HIP1R: variants seen among roughly 807,000 people sequenced by gnomAD.
The protein encoded by HIP1R is huntingtin interacting protein 1 related, also known as huntingtin-interacting protein 1-related protein.
In HIP1R, 135 loss-of-function variants were observed where a neutral mutation model predicts 144.2. The observed-to-expected ratio is 0.94, with a 90% CI of 0.81 to 1.08. The LOEUF (loss-of-function observed/expected upper bound fraction) is 1.08. Ranked by LOEUF, HIP1R falls within the 50% of genes least tolerant of loss-of-function variation. HIP1R has a pLI of 0.00. For missense variants in HIP1R, 1,462 were observed against 1,432.8 expected (o/e 1.02, Z -0.33); for synonymous variants, 698 against 612.8 (o/e 1.14, Z -2.05).
rs1428222797 is a variant in HIP1R, at chr12:122,856,509, C to T, written c.1479C>T (p.Ala493=). 2.5e-6 allele frequency: 4 copies of T among 1,597,106 alleles called. No individual in the cohort carries two copies. The highest frequency in any genetic ancestry group is 1.8e-5 in the Admixed American group (1 of 57,060). Reference sequence around the variant, plus strand: ...TGGCGCGGGTGAAGGAGCAGCTGGCCTTCCAGGTGGAGCAGGTGAAGCGGG... The same window carrying T: ...TGGCGCGGGTGAAGGAGCAGCTGGCTTTCCAGGTGGAGCAGGTGAAGCGGG... ...EEVARVKEQL[A]FQVEQVKRES... The change falls in exon 16 of 32, where the codon GCC becomes GCT. Residue 493 remains alanine (A), a synonymous_variant. Coordinates refer to ENST00000253083, the MANE Select transcript of HIP1R (RefSeq NM_003959.3).
rs542418371 is a variant in HIP1R, at chr12:122,851,497, A to G, written c.577+200A>G. On this transcript the variant is annotated intron_variant, in intron 7 of 31. Transcript: ENST00000253083. ...CAGATTGCTTGAGGTCAGGGGTTCA[A>G]GACCAGCCTGGCCAACATGGTGAAA... Among the ~76,000 whole-genome samples the G allele has an allele frequency of 3.9e-5, 6 of 152,208 alleles. No individual in the cohort carries two copies. The South Asian group carries it at 1.2e-3, about 32-fold the overall frequency.
chr12:122,853,876 G>A, intron 7 of HIP1R, 167 bp from the exon 8 acceptor site: 1 of 694,220 alleles, frequency 1.4e-6, no homozygotes, highest in Non-Finnish European at 2.3e-6. Flanking sequence ...GGGAGCATCT[G>A]GTCTTGACCT....
chr12:122,856,587 C>A, intron 16 of HIP1R, 38 bp from the exon 17 acceptor site: 1 of 1,598,900 alleles, frequency 6.3e-7, no homozygotes, highest in East Asian at 2.3e-5. Flanking sequence ...CCCGGCATCC[C>A]CAGCCCACTG....
upstream of HIP1R, chr12:122,835,446 C>T: frequency 8.7e-7 from 1 of 1,145,820 alleles, no homozygotes; most frequent in Non-Finnish European, 1.1e-6. Flanking sequence ...GCGGGCGGGC[C>T]CGGGCGCGGC....
chr12:122,854,829 C>T (rs1245918223), intron 8 of HIP1R, 76 bp from the exon 9 acceptor site: 46 of 1,458,452 alleles, frequency 3.2e-5, no homozygotes, highest in Middle Eastern at 1.8e-4. Context: ...TTGTAGCATA[C>T]GGAGGAACAA....
In HIP1R at chr12:122,856,178, G is replaced by A. The variant is rs1410124586; in HGVS notation, c.1312+15G>A. 27 of 1,609,334 alleles carry A rather than the reference G, an allele frequency of 1.7e-5. No homozygotes were observed. Among genetic ancestry groups the A allele is most frequent in the Non-Finnish European group, 2.3e-5 (27 of 1,178,234 alleles). On this transcript the variant is annotated intron_variant, in intron 14 of 31. Coordinates refer to ENST00000253083, the MANE Select transcript of HIP1R (RefSeq NM_003959.3). The stretch of plus-strand genomic sequence containing the variant: ...GGAGGCTGAGAGTACGTGGGGCCTT[G>A]GCCACAGGGGTCCAAGGGTGTGTCC...
Position 122,861,396 on chromosome 12 carries a change from C to T in HIP1R, c.3041C>T (p.Ala1014Val), listed in dbSNP as rs765825798. 4 of 1,613,502 alleles carry T rather than the reference C, an allele frequency of 2.5e-6. No homozygotes were observed. Among genetic ancestry groups the T allele is most frequent in the South Asian group, 1.1e-5 (1 of 91,078 alleles). ...LRKQHYVLAG[A>V]SGSPGEEVAI... Reference sequence around the variant, plus strand: ...AAGCAACACTACGTGCTGGCTGGGGCATCAGGCAGCCCTGGAGAGGAGGTG... The same window carrying T: ...AAGCAACACTACGTGCTGGCTGGGGTATCAGGCAGCCCTGGAGAGGAGGTG... The change falls in exon 31 of 32, where the codon GCA becomes GTA. Residue 1014 changes from alanine (A) to valine (V), a missense_variant. Ala to Val is a moderately conservative substitution (Grantham distance 64). Transcript: ENST00000253083.
intron 9 of HIP1R, 30 bp from the exon 10 acceptor site, chr12:122,855,023 C>T: frequency 1.2e-6 from 2 of 1,613,816 alleles, no homozygotes; most frequent in Non-Finnish European, 8.5e-7. Context: ...TGGCCCCTTC[C>T]TGAACCCGAA....
At chr12:122,851,845 T>C (rs554318880) in intron 7 of HIP1R, among the ~76,000 whole-genome samples, 1 of 152,078 alleles carries the variant, frequency 6.6e-6, no homozygotes, top group African/African-American at 2.4e-5. Context: ...TGAGTGTCAC[T>C]CCATCAGCCC....
intron 7 of HIP1R, among the ~76,000 whole-genome samples, chr12:122,852,525 C>A (rs990611968): frequency 2.6e-5 from 4 of 152,320 alleles, no homozygotes; most frequent in South Asian, 2.1e-4. Flanking sequence ...CACTCACAGG[C>A]ACGCTTCCCA....
At chr12:122,848,359 C>T (rs767114107) in intron 2 of HIP1R, 107 bp from the exon 3 acceptor site, 53 of 1,386,474 alleles carry the variant, frequency 3.8e-5, no homozygotes, top group Admixed American at 9.2e-5. Context: ...TTGATGGGCA[C>T]GTGATTGGGG....
chr12:122,857,106 A>G lies in HIP1R; in HGVS notation c.1706A>G (p.Asp569Gly). The G allele has an allele frequency of 6.4e-7, 1 of 1,551,042 alleles. No homozygotes were observed. The highest frequency in any genetic ancestry group is 2.4e-5 in the East Asian group (1 of 41,042). Residue 569 changes from aspartate (D) to glycine (G), a missense_variant, in exon 18 of 32, where the codon GAC (aspartate) becomes GGC (glycine). By Grantham distance (94) the Asp-to-Gly change is moderately conservative (BLOSUM62 -1). Around this residue, in one of 2 missense-constraint regions of HIP1R, gnomAD observed 1,112 missense variants for 1,011.7 expected, o/e 1.10. Coordinates refer to ENST00000253083, the MANE Select transcript of HIP1R (RefSeq NM_003959.3). ...GGAGCTGTGCGGCAGCGGGAGGCAG[A>G]CCTGCTGGCGGCGCAGAGCCTGGTG... ...LSGAVRQREA[D>G]LLAAQSLVRE...
intron 18 of HIP1R, chr12:122,857,734 G>C (rs2033633606): frequency 3.7e-6 from 1 of 269,846 alleles, no homozygotes; most frequent in Admixed American, 4.8e-5. Flanking sequence ...CCACATCCTT[G>C]CCAATGCTTA....
In HIP1R at chr12:122,855,922, T is replaced by A; in HGVS notation, c.1128+19T>A. 1 of 1,190,236 alleles carries A rather than the reference T, an allele frequency of 8.4e-7. No homozygotes were observed. The highest frequency in any genetic ancestry group is 1.2e-6 in the Non-Finnish European group (1 of 838,458). The allele number at this position is 1,190,236 out of a possible 1,614,324, so 73.7% of individuals were successfully genotyped here. A position where few individuals can be genotyped will look rare whatever the true frequency, so the allele number is the denominator to read the frequency against. ...GCTGGAGGTGCGGGGTGGGGATGGG[T>A]GGGGGCCAGGGCCCCTCACGGCCCA... On this transcript the variant is annotated intron_variant, in intron 13 of 31. Transcript: ENST00000253083.
At chr12:122,844,287 T>G (rs2033146829) in intron 1 of HIP1R, among the ~76,000 whole-genome samples, 1 of 152,134 alleles carries the variant, frequency 6.6e-6, no homozygotes, top group Non-Finnish European at 1.5e-5. Flanking sequence ...CGTGCACCAC[T>G]ACACCCGGCT....
intron 27 of HIP1R, 60 bp downstream of exon 27, chr12:122,860,583 G>T: frequency 6.4e-7 from 1 of 1,566,016 alleles, no homozygotes; most frequent in South Asian, 1.1e-5. Context: ...GAGCAGTTTG[G>T]GGTTCAACAG....
In HIP1R at chr12:122,854,015, C is replaced by T. The variant is rs535409554; in HGVS notation, c.578-28C>T. 6.2e-6 allele frequency: 10 copies of T among 1,608,028 alleles called. 1 individual carries two copies. In the South Asian group the frequency reaches 6.7e-5, roughly 11 times the overall value. On this transcript the variant is annotated intron_variant, in intron 7 of 31. Transcript: ENST00000253083. ...AGGTTGCCCAGCTCCCAAGGGCTCACGTTCTTCCTCCTGCCCCTTTTGCAC... is the reference window on the plus strand; with the variant it reads ...AGGTTGCCCAGCTCCCAAGGGCTCATGTTCTTCCTCCTGCCCCTTTTGCAC...
intron 4 of HIP1R, 44 bp downstream of exon 4, chr12:122,848,896 C>T (rs752469795): frequency 6.3e-7 from 1 of 1,598,486 alleles, no homozygotes; most frequent in East Asian, 2.2e-5. Flanking sequence ...TCGGGGCTTT[C>T]CTGAGCGTGT....
At chr12:122,856,774 G>T in intron 17 of HIP1R, 48 bp downstream of exon 17, 1 of 1,457,578 alleles carries the variant, frequency 6.9e-7, no homozygotes, top group Non-Finnish European at 9.4e-7. Flanking sequence ...GGCCAGTCCT[G>T]GGTGGAAGTC....
Sources: gnomAD v4.1 joint callset for allele counts (sites outside exome capture counted in the v4.1 genomes callset) on GRCh38, gnomAD v4.1.1 for gene constraint, gnomAD v4.1.1 regional missense constraint, MANE v1.5 for transcripts, NCBI Gene and HGNC (gene_info 2026-07-23, HGNC 2026-07-21) for gene names.